GATAD2B: variants seen among roughly 807,000 people sequenced by gnomAD.
GATAD2B encodes the protein GATA zinc finger domain containing 2B.
GATAD2B carries 8 observed loss-of-function variants against 64.3 expected under a neutral mutation model. The observed-to-expected ratio is 0.12, with a 90% CI of 0.07 to 0.22. GATAD2B has a LOEUF of 0.22. Ranked by LOEUF, GATAD2B falls within the 10% of genes least tolerant of loss-of-function variation. The pLI, the probability that GATAD2B is intolerant of heterozygous loss-of-function variation, is 1.00. For missense variants in GATAD2B, 453 were observed against 752.0 expected (o/e 0.60, Z 4.65); for synonymous variants, 281 against 271.3 (o/e 1.04, Z -0.35).
At chr1:153,852,993 T>G in intron 1 of GATAD2B, 2 of 1,062,946 alleles carry the variant, frequency 1.9e-6, no homozygotes, top group Non-Finnish European at 2.9e-6. Context: ...TGCCAGTCAC[T>G]ACCCCTTTGG....
In GATAD2B at chr1:153,804,970, A is replaced by C. The variant is rs1471846490; in HGVS notation, c.*5207T>G. Reference sequence around the variant, plus strand: ...GCAGAAAATCAGAATGAGTTAAAAAAGAAATAAAGGAAACTTAAAGAGAGT... The same window carrying C: ...GCAGAAAATCAGAATGAGTTAAAAACGAAATAAAGGAAACTTAAAGAGAGT... On this transcript the variant is annotated 3_prime_UTR_variant, in exon 11 of 11. Coordinates refer to ENST00000368655, the MANE Select transcript of GATAD2B (RefSeq NM_020699.4). 2 of 152,258 alleles carry C rather than the reference A, an allele frequency of 1.3e-5. No individual in the cohort carries two copies. Among genetic ancestry groups the C allele is most frequent in the Non-Finnish European group, 2.9e-5 (2 of 68,050 alleles). 9.4% of individuals were successfully genotyped at this position (152,258 alleles called of 1,614,324 possible).
chr1:153,874,638 G>A lies in GATAD2B; in HGVS notation c.-1-46290C>T, dbSNP rs547338063. On this transcript the variant is annotated intron_variant, in intron 1 of 10. Transcript: ENST00000368655. ...GTCACCCAGGCTGGAGTGCAGTGGC[G>A]CGATCTCGGCTTACTGCAACCTCCA... is the stretch of plus-strand genomic sequence containing the variant. 4.8e-5 allele frequency among the ~76,000 whole-genome samples: 7 copies of A among 146,240 alleles called. No individual in the cohort carries two copies. The South Asian group carries it at 1.3e-3, about 28-fold the overall frequency.
intron 1 of GATAD2B, among the ~76,000 whole-genome samples, chr1:153,843,375 G>A (rs1449137260): frequency 6.6e-6 from 1 of 151,968 alleles, no homozygotes; most frequent in Non-Finnish European, 1.5e-5. Context: ...GCAATCTGCA[G>A]CCTCAAATTC....
intron 1 of GATAD2B, among the ~76,000 whole-genome samples, chr1:153,894,700 A>G (rs1238546425): frequency 6.6e-6 from 1 of 151,816 alleles, no homozygotes. Context: ...GTCTCTACTA[A>G]AAATACAAAA....
At chr1:153,852,448 G>C (rs1429482551) in intron 1 of GATAD2B, 1 of 759,894 alleles carries the variant, frequency 1.3e-6, no homozygotes, top group Non-Finnish European at 2.4e-6. Context: ...GTGGTCTGGA[G>C]CTGCTAAGTC....
chr1:153,903,669 C>A (rs929399007), intron 1 of GATAD2B, among the ~76,000 whole-genome samples: 2 of 152,144 alleles, frequency 1.3e-5, no homozygotes, highest in Admixed American at 6.5e-5. Context: ...TTACCATATG[C>A]CTAAATATTC....
At chr1:153,812,886 G>A (rs752749388) in intron 8 of GATAD2B, among the ~76,000 whole-genome samples, 18 of 152,004 alleles carry the variant, frequency 1.2e-4, no homozygotes, top group African/African-American at 2.2e-4. Flanking sequence ...TCTTTCTTTC[G>A]TCATTTCTTA....
At chr1:153,820,098 CAAAAA>C (rs201426841) in intron 2 of GATAD2B, among the ~76,000 whole-genome samples, 1 of 63,150 alleles carries the variant, frequency 1.6e-5, no homozygotes. Flanking sequence ...GTTCCCGTCT[CAAAAA>C]AAAAAAAAAA....
At chr1:153,900,219 A>T (rs1677724982) in intron 1 of GATAD2B, among the ~76,000 whole-genome samples, 1 of 152,024 alleles carries the variant, frequency 6.6e-6, no homozygotes, top group Non-Finnish European at 1.5e-5. Context: ...AATTCGAGAC[A>T]AATCTGGCCA....
At chr1:153,850,114 G>C (rs1238966289) in intron 1 of GATAD2B, among the ~76,000 whole-genome samples, 1 of 152,120 alleles carries the variant, frequency 6.6e-6, no homozygotes, top group African/African-American at 2.4e-5. Context: ...GATTTTATCT[G>C]TTAGAATCCT....
intron 1 of GATAD2B, among the ~76,000 whole-genome samples, chr1:153,846,557 C>CTTTTTTTTTTTT (rs887230575): frequency 8.8e-6 from 1 of 113,860 alleles, no homozygotes; most frequent in Non-Finnish European, 1.8e-5. Flanking sequence ...TCTTTGCGTT[C>CTTTTTTTTTTTT]TTTTTTTTTT....
At chr1:153,869,232 C>T (rs1274833591) in intron 1 of GATAD2B, among the ~76,000 whole-genome samples, 4 of 149,982 alleles carry the variant, frequency 2.7e-5, no homozygotes, top group Non-Finnish European at 4.4e-5. Flanking sequence ...GCAGAGGTTG[C>T]AGTGAGCCAA....
chr1:153,919,895 G>C (rs1678380392), intron 1 of GATAD2B, among the ~76,000 whole-genome samples: 1 of 152,214 alleles, frequency 6.6e-6, no homozygotes, highest in African/African-American at 2.4e-5. Context: ...GCAAAGGTCT[G>C]GAAAAGAAAG....
intron 1 of GATAD2B, among the ~76,000 whole-genome samples, chr1:153,834,277 T>A (rs1479938973): frequency 1.3e-5 from 2 of 151,778 alleles, no homozygotes; most frequent in Non-Finnish European, 2.9e-5. Context: ...GTGCTGGGAT[T>A]ACAGGCATGA....
chr1:153,842,465 C>T (rs758058473), intron 1 of GATAD2B, among the ~76,000 whole-genome samples: 9 of 152,160 alleles, frequency 5.9e-5, no homozygotes, highest in Non-Finnish European at 1.3e-4. Flanking sequence ...AACCCTTTCT[C>T]GCCCTCTCTC....
At chr1:153,826,437 G>A (rs956151729) in intron 2 of GATAD2B, among the ~76,000 whole-genome samples, 12 of 150,656 alleles carry the variant, frequency 8.0e-5, no homozygotes, top group South Asian at 2.1e-4. Context: ...GAGACCAGCC[G>A]GGCTACCATG....
At chr1:153,813,494 TCTC>T in intron 7 of GATAD2B, 42 bp from the exon 8 acceptor site, 2 of 1,319,914 alleles carry the variant, frequency 1.5e-6, no homozygotes, top group Non-Finnish European at 2.2e-6. Flanking sequence ...ACATTTCCTA[TCTC>T]CTCTGTTTCT....
At chr1:153,832,152 T>G (rs947249513) in intron 1 of GATAD2B, among the ~76,000 whole-genome samples, 31 of 151,750 alleles carry the variant, frequency 2.0e-4, no homozygotes, top group Non-Finnish European at 1.5e-4. Context: ...GAGGCAGAGG[T>G]TTCAGTGAGC....
intron 10 of GATAD2B, among the ~76,000 whole-genome samples, chr1:153,810,817 G>A (rs1222809364): frequency 1.3e-5 from 2 of 151,710 alleles, no homozygotes; most frequent in Non-Finnish European, 2.9e-5. Flanking sequence ...GGCTGGAGGT[G>A]CAGTGGCACA....
Sources: gnomAD v4.1 joint callset for allele counts (sites outside exome capture counted in the v4.1 genomes callset) on GRCh38, gnomAD v4.1.1 for gene constraint, MANE v1.5 for transcripts, NCBI Gene and HGNC (gene_info 2026-07-23, HGNC 2026-07-21) for gene names.